DYNC1H1: variants seen among roughly 807,000 people sequenced by gnomAD.
DYNC1H1 encodes dynein cytoplasmic 1 heavy chain 1.
DYNC1H1 carries 51 observed loss-of-function variants against 527.1 expected under a neutral mutation model. That is an observed-to-expected ratio of 0.10 (90% CI 0.08 to 0.12). DYNC1H1 has a LOEUF of 0.12. Ranked by LOEUF, DYNC1H1 falls within the 10% of genes least tolerant of loss-of-function variation. The pLI is 1.00. For synonymous variants in DYNC1H1, 2,189 were observed against 2,278.8 expected (o/e 0.96, Z 1.12); for missense variants, 2,771 against 5,971.8 (o/e 0.46, Z 17.66).
At chr14:102,046,435 C>T (rs995386817) in intron 72 of DYNC1H1, among the ~76,000 whole-genome samples, 2 of 150,924 alleles carry the variant, frequency 1.3e-5, no homozygotes, top group Non-Finnish European at 2.9e-5. Context: ...GCGAGCTGGG[C>T]GGGTCTGGAG....
At chr14:102,026,139 C>T (rs989263116) in intron 43 of DYNC1H1, among the ~76,000 whole-genome samples, 2 of 151,756 alleles carry the variant, frequency 1.3e-5, no homozygotes, top group African/African-American at 2.4e-5. Flanking sequence ...GGCAGGCCCT[C>T]ACACCTGGTT....
chr14:101,994,725 A>G lies in DYNC1H1; in HGVS notation c.3209A>G (p.Asn1070Ser). The G allele has an allele frequency of 1.9e-6, 3 of 1,614,254 alleles. No individual in the cohort carries two copies. The highest frequency in any genetic ancestry group is 2.2e-5 in the South Asian group (2 of 91,092). ...LWDMQAENIY[N>S]RLGEDLNKWQ... ...GATATGCAAGCTGAAAACATCTATA[A>G]CAGACTTGGAGAAGATCTCAACAAA... is the stretch of plus-strand genomic sequence containing the variant. The change falls in exon 13 of 78, where the codon AAC (asparagine) becomes AGC (serine). Residue 1070 changes from asparagine (N) to serine (S), a missense_variant. This residue lies in a region of DYNC1H1 where 179 missense variants were observed against 349.4 expected (regional missense o/e 0.51). Coordinates refer to ENST00000360184, the MANE Select transcript of DYNC1H1 (RefSeq NM_001376.5).
chr14:102,046,517 G>A (rs117614313), intron 72 of DYNC1H1, among the ~76,000 whole-genome samples: 13 of 133,316 alleles, frequency 9.8e-5, no homozygotes, highest in South Asian at 2.4e-4. Context: ...TCTGGAGGGA[G>A]AGCCAGGCGA....
chr14:101,989,515 T>C (rs1002090805), intron 10 of DYNC1H1, among the ~76,000 whole-genome samples: 5 of 152,252 alleles, frequency 3.3e-5, no homozygotes, highest in African/African-American at 4.8e-5. Context: ...TCTGCTGCTA[T>C]TGGTGGTGGT....
chr14:102,047,270 T>C (rs1363486583), intron 72 of DYNC1H1, among the ~76,000 whole-genome samples: 3 of 152,130 alleles, frequency 2.0e-5, no homozygotes, highest in Non-Finnish European at 4.4e-5. Flanking sequence ...TGGTGGCTCA[T>C]GCCTGTAATC....
chr14:102,048,822 G>A, intron 74 of DYNC1H1, 153 bp downstream of exon 74: 2 of 346,586 alleles, frequency 5.8e-6, no homozygotes, highest in Non-Finnish European at 5.7e-6. Flanking sequence ...AGGTGGGCGG[G>A]GGGAGGGGAG....
intron 41 of DYNC1H1, among the ~76,000 whole-genome samples, chr14:102,019,612 C>A (rs992061917): frequency 6.6e-6 from 1 of 152,128 alleles, no homozygotes; most frequent in African/African-American, 2.4e-5. Flanking sequence ...ACATTGTTTA[C>A]TCATTTGGAG....
chr14:101,984,431 G>GTGTATA (rs1278450270), intron 7 of DYNC1H1, among the ~76,000 whole-genome samples: 9 of 82,802 alleles, frequency 1.1e-4, no homozygotes, highest in African/African-American at 1.7e-4. Context: ...GTGTGTGTGT[G>GTGTATA]TATATATATA....
chr14:101,972,110 C>T (rs759689609), intron 1 of DYNC1H1, among the ~76,000 whole-genome samples: 10 of 151,916 alleles, frequency 6.6e-5, no homozygotes, highest in African/African-American at 9.7e-5. Flanking sequence ...CTTAATCAAA[C>T]GTGCAGATTG....
chr14:101,989,482 T>C (rs181322738), intron 10 of DYNC1H1, among the ~76,000 whole-genome samples: 1 of 152,306 alleles, frequency 6.6e-6, no homozygotes, highest in Admixed American at 6.5e-5. Flanking sequence ...TTCTGTCAAC[T>C]AGCACTGTGT....
chr14:102,008,486 G>A (rs1197895396), intron 29 of DYNC1H1, 149 bp downstream of exon 29: 1 of 1,199,270 alleles, frequency 8.3e-7, no homozygotes, highest in African/African-American at 1.5e-5. Context: ...TGTGGTTAAA[G>A]ACGGAAGGTA....
At position 102,019,545 on chromosome 14, in the gene DYNC1H1, A is replaced by G. The variant is rs1031337390; in HGVS notation, c.8344-348A>G. The stretch of plus-strand genomic sequence containing the variant: ...CGTTAAATATAATGTATTTCAGCAT[A>G]AAGTGAGCAGCTTGAATCTAACTTT... On this transcript the variant is annotated intron_variant, in intron 41 of 77. Coordinates refer to ENST00000360184, the MANE Select transcript of DYNC1H1 (RefSeq NM_001376.5). Among the ~76,000 whole-genome samples, 6 of 152,382 alleles carry G rather than the reference A, an allele frequency of 3.9e-5. No individual in the cohort carries two copies. In the East Asian group the frequency reaches 7.7e-4, roughly 20 times the overall value.
chr14:102,029,278 T>G lies in DYNC1H1; in HGVS notation c.9469-261T>G, dbSNP rs937350253. On this transcript the variant is annotated intron_variant, in intron 48 of 77. Coordinates refer to ENST00000360184, the MANE Select transcript of DYNC1H1 (RefSeq NM_001376.5). The surrounding 1 kb of genome is among the most constrained non-coding windows in gnomAD (Gnocchi z 5.3). Reference sequence around the variant, plus strand: ...TATAGTAACTGACATTTGTGATGCCTTTTCACATAAGTACACCTCTAAAGT... The same window carrying G: ...TATAGTAACTGACATTTGTGATGCCGTTTCACATAAGTACACCTCTAAAGT... 5 of 520,486 alleles carry G rather than the reference T, an allele frequency of 9.6e-6. No homozygotes were observed. The highest frequency in any genetic ancestry group is 5.7e-5 in the African/African-American group (3 of 52,330). The allele number at this position is 520,486 out of a possible 1,614,324, so 32.2% of individuals were successfully genotyped here. A position where few individuals can be genotyped will look rare whatever the true frequency, so the allele number is the denominator to read the frequency against.
intron 42 of DYNC1H1, 95 bp from the exon 43 acceptor site, chr14:102,022,656 T>C: frequency 8.9e-6 from 14 of 1,577,340 alleles, no homozygotes; most frequent in Non-Finnish European, 1.2e-5. Context: ...ACTGCATCCT[T>C]TGGAAGAGCC....
At chr14:101,976,345 C>A (rs1196164413) in intron 2 of DYNC1H1, among the ~76,000 whole-genome samples, 2 of 151,072 alleles carry the variant, frequency 1.3e-5, no homozygotes, top group East Asian at 3.9e-4. Context: ...GAGTTTGAGA[C>A]CACCCTGACC....
intron 43 of DYNC1H1, chr14:102,023,705 C>G (rs2048415579): frequency 1.3e-5 from 2 of 152,626 alleles, no homozygotes; most frequent in Non-Finnish European, 2.9e-5. Flanking sequence ...AAAAATTAGC[C>G]AGGCATGGTG....
chr14:102,031,041 C>T (rs1567018334), intron 51 of DYNC1H1, among the ~76,000 whole-genome samples: 1 of 152,144 alleles, frequency 6.6e-6, no homozygotes, highest in African/African-American at 2.4e-5. Context: ...TCAAATAACC[C>T]AATTATCTGT....
In DYNC1H1 at chr14:102,044,926, G is replaced by A; in HGVS notation, c.13006+228G>A. 1 of 591,704 alleles carries A rather than the reference G, an allele frequency of 1.7e-6. No homozygotes were observed. The highest frequency in any genetic ancestry group is 2.8e-5 in the East Asian group (1 of 35,138). 36.7% of individuals were successfully genotyped at this position (591,704 alleles called of 1,614,324 possible). ...AGGAAAGAACTGGCTCTTCTCTGCA[G>A]CATCAACTCAGTTCTAGAGAAAAGG... On this transcript the variant is annotated intron_variant, in intron 72 of 77. Coordinates refer to ENST00000360184, the MANE Select transcript of DYNC1H1 (RefSeq NM_001376.5). This position sits in a 1 kb window ranked among gnomAD's most constrained non-coding sequence, Gnocchi z 7.1.
At chr14:102,019,200 C>T (rs573074175) in intron 41 of DYNC1H1, among the ~76,000 whole-genome samples, 55 of 152,224 alleles carry the variant, frequency 3.6e-4, no homozygotes, top group Non-Finnish European at 4.1e-4. Context: ...GATGGTTGGA[C>T]CAGCTACGCC....
Sources: gnomAD v4.1 joint callset for allele counts (sites outside exome capture counted in the v4.1 genomes callset) on GRCh38, gnomAD v4.1.1 for gene constraint, gnomAD v4.1.1 regional missense constraint, Gnocchi (gnomAD v3.1) non-coding constraint, MANE v1.5 for transcripts, NCBI Gene and HGNC (gene_info 2026-07-23, HGNC 2026-07-21) for gene names.